The following ZCCHC4 variants were observed in gnomAD, a reference collection of about 807,000 sequenced individuals.
ZCCHC4 encodes zinc finger CCHC-type containing 4, also known as rRNA N(6)-adenosine-methyltransferase ZCCHC4.
Under a neutral mutation model 67.7 loss-of-function variants are expected in ZCCHC4, and 54 were observed. The ratio of observed to expected loss-of-function variants is 0.80; its 90% CI spans 0.64 to 1.00. The LOEUF (loss-of-function observed/expected upper bound fraction) is 1.00. Among genes scored for constraint, ZCCHC4 ranks in the 50% least tolerant of loss-of-function variants. The pLI is 0.00. For synonymous variants in ZCCHC4, 198 were observed against 213.5 expected (o/e 0.93, Z 0.63); for missense variants, 609 against 617.0 (o/e 0.99, Z 0.14).
rs1720625900 is a variant in ZCCHC4, at chr4:25,359,118, G to A, written c.1012-2741G>A. ...TGTGGTGCCCATTGTCAGCTGTGCT[G>A]CTTGGATGGGCTCCAATGGAAACCT... On this transcript the variant is annotated intron_variant, in intron 8 of 12. Coordinates refer to ENST00000302874, the MANE Select transcript of ZCCHC4 (RefSeq NM_024936.3). The surrounding 1 kb of genome is among the most constrained non-coding windows in gnomAD (Gnocchi z 4.9). Among the ~76,000 whole-genome samples the A allele has an allele frequency of 6.6e-6, 1 of 152,218 alleles. No individual in the cohort carries two copies.
intron 4 of ZCCHC4, 112 bp downstream of exon 4, chr4:25,333,570 A>G (rs1192359552): frequency 4.2e-6 from 5 of 1,200,142 alleles, no homozygotes; most frequent in Non-Finnish European, 5.9e-6. Flanking sequence ...AGCTTTGAGT[A>G]TTTAAAATGT....
At chr4:25,325,665 T>A (rs1325668951) in intron 3 of ZCCHC4, among the ~76,000 whole-genome samples, 3 of 152,170 alleles carry the variant, frequency 2.0e-5, no homozygotes, top group Non-Finnish European at 4.4e-5. Flanking sequence ...AAGAAAAAAA[T>A]GTTAAGTCAT....
At chr4:25,329,563 T>C (rs1577733844) in intron 3 of ZCCHC4, among the ~76,000 whole-genome samples, 1 of 141,954 alleles carries the variant, frequency 7.0e-6, no homozygotes, top group African/African-American at 2.6e-5. Flanking sequence ...TGAGACAGAG[T>C]CTCGCTCTGT....
intron 7 of ZCCHC4, among the ~76,000 whole-genome samples, chr4:25,350,563 A>G (rs1429825737): frequency 1.3e-5 from 2 of 152,078 alleles, no homozygotes; most frequent in East Asian, 1.9e-4. Flanking sequence ...TTAGGACTTC[A>G]AAGTATTTTA....
chr4:25,333,465 C>A lies in ZCCHC4; in HGVS notation c.605+7C>A. On this transcript the variant is annotated splice_region_variant and intron_variant, in intron 4 of 12. Transcript: ENST00000302874. ...TGTGTGTTGGAACACCAAGGTATGT[C>A]ATGTGATTTTTTAAAGAATTATCTT... 1 of 1,612,234 alleles carries A rather than the reference C, an allele frequency of 6.2e-7. No homozygotes were observed. The highest frequency in any genetic ancestry group is 1.1e-5 in the South Asian group (1 of 90,800).
chr4:25,328,691 C>T (rs538412709), intron 3 of ZCCHC4, among the ~76,000 whole-genome samples: 2 of 152,076 alleles, frequency 1.3e-5, no homozygotes, highest in South Asian at 4.2e-4. Context: ...GAGCAGTCCC[C>T]CCACCTCAGC....
chr4:25,340,393 C>T (rs772865032), intron 5 of ZCCHC4, among the ~76,000 whole-genome samples: 7 of 152,114 alleles, frequency 4.6e-5, no homozygotes, highest in Non-Finnish European at 8.8e-5. Flanking sequence ...GTCATGATTA[C>T]TGTTGCTGTA....
rs369903879 is a variant in ZCCHC4, at chr4:25,333,381, T to C, written c.528T>C (p.Ala176=). Reference sequence around the variant, plus strand: ...AGACAAATGCCCAGTATCTGTTTGCTGATCGGAGCTGTCAGTTCTTGGTAG... The same window carrying C: ...AGACAAATGCCCAGTATCTGTTTGCCGATCGGAGCTGTCAGTTCTTGGTAG... The part of the protein sequence containing the change: ...NKKTNAQYLF[A]DRSCQFLVDL... The change falls in exon 4 of 13, where the codon GCT becomes GCC. Residue 176 remains alanine (A), a synonymous_variant. Coordinates refer to ENST00000302874, the MANE Select transcript of ZCCHC4 (RefSeq NM_024936.3). 37 of 1,614,072 alleles carry C rather than the reference T, an allele frequency of 2.3e-5. No homozygotes were observed. In the African/African-American group the frequency reaches 4.9e-4, roughly 22 times the overall value.
At chr4:25,313,468 G>A (rs1281812856) in intron 1 of ZCCHC4, among the ~76,000 whole-genome samples, 1 of 152,184 alleles carries the variant, frequency 6.6e-6, no homozygotes, top group African/African-American at 2.4e-5. Flanking sequence ...TATTCACAAC[G>A]TAGACAGCAA....
At position 25,359,919 on chromosome 4, in the gene ZCCHC4, G is replaced by C. The variant is rs1471470301; in HGVS notation, c.1012-1940G>C. Among the ~76,000 whole-genome samples, 1 of 152,226 alleles carries C rather than the reference G, an allele frequency of 6.6e-6. No individual in the cohort carries two copies. The highest frequency in any genetic ancestry group is 2.4e-5 in the African/African-American group (1 of 41,468). On this transcript the variant is annotated intron_variant, in intron 8 of 12. Transcript: ENST00000302874. The surrounding 1 kb of genome is among the most constrained non-coding windows in gnomAD (Gnocchi z 4.9). Reference sequence around the variant, plus strand: ...AGCAATCCACTGGTCTCCCACCAATGTACAGCAAGTGCTGGTGCTGGTAGA... The same window carrying C: ...AGCAATCCACTGGTCTCCCACCAATCTACAGCAAGTGCTGGTGCTGGTAGA...
In ZCCHC4 at chr4:25,349,579, G is replaced by C; in HGVS notation, c.847G>C (p.Val283Leu). 1 of 1,614,032 alleles carries C rather than the reference G, an allele frequency of 6.2e-7. No individual in the cohort carries two copies. Among genetic ancestry groups the C allele is most frequent in the African/African-American group, 1.3e-5 (1 of 75,052 alleles). Residue 283 changes from valine (V) to leucine (L), a missense_variant, in exon 7 of 13, where the codon GTT becomes CTT. Transcript: ENST00000302874. ...GACGGATCCTCCGTTTGGTGGCTTG[G>C]TTGAACCTCTGGCTATTACATTCAA... ...MVTDPPFGGL[V>L]EPLAITFKKL...
chr4:25,351,105 C>G (rs539666345), intron 7 of ZCCHC4, among the ~76,000 whole-genome samples: 1 of 152,188 alleles, frequency 6.6e-6, no homozygotes, highest in South Asian at 2.1e-4. Flanking sequence ...CTGTCTCTCA[C>G]AAACACTAAT....
At chr4:25,342,966 C>T (rs1340287473) in intron 5 of ZCCHC4, among the ~76,000 whole-genome samples, 1 of 152,136 alleles carries the variant, frequency 6.6e-6, no homozygotes, top group Admixed American at 6.5e-5. Flanking sequence ...TTAAAAATGA[C>T]TGTTGTATCT....
At chr4:25,313,890 C>T (rs1718093817) in intron 1 of ZCCHC4, among the ~76,000 whole-genome samples, 156 bp from the exon 2 acceptor site, 1 of 151,808 alleles carries the variant, frequency 6.6e-6, no homozygotes, top group African/African-American at 2.4e-5. Flanking sequence ...AAAACCCTAA[C>T]AAAACAAAAA....
chr4:25,337,973 G>T (rs1017358269), intron 5 of ZCCHC4, among the ~76,000 whole-genome samples: 2 of 152,116 alleles, frequency 1.3e-5, no homozygotes, highest in East Asian at 3.8e-4. Context: ...AAGGAAAAAT[G>T]ATCTTTAATT....
intron 3 of ZCCHC4, among the ~76,000 whole-genome samples, chr4:25,324,875 T>C (rs1307993274): frequency 6.6e-6 from 1 of 152,218 alleles, no homozygotes; most frequent in Non-Finnish European, 1.5e-5. Context: ...ATTTTTGAAT[T>C]GGGCTAATTG....
intron 8 of ZCCHC4, among the ~76,000 whole-genome samples, chr4:25,356,944 T>G (rs1461975301): frequency 6.6e-6 from 1 of 152,162 alleles, no homozygotes; most frequent in Non-Finnish European, 1.5e-5. Flanking sequence ...CTTCCCAACA[T>G]AATAATCCTC....
chr4:25,332,209 C>T (rs978895384), intron 3 of ZCCHC4, among the ~76,000 whole-genome samples: 6 of 150,688 alleles, frequency 4.0e-5, no homozygotes, highest in Non-Finnish European at 7.4e-5. Flanking sequence ...TTGGGAGGCC[C>T]AGGCAGGAGA....
At chr4:25,345,369 T>C (rs991586075) in intron 5 of ZCCHC4, among the ~76,000 whole-genome samples, 179 bp from the exon 6 acceptor site, 1 of 152,228 alleles carries the variant, frequency 6.6e-6, no homozygotes, top group Non-Finnish European at 1.5e-5. Flanking sequence ...GGAAAATCAC[T>C]TAAGTTTGTT....
Sources: allele counts gnomAD v4.1 joint callset (sites outside exome capture counted in the v4.1 genomes callset), GRCh38; gene constraint gnomAD v4.1.1; non-coding constraint Gnocchi (gnomAD v3.1); transcripts MANE v1.5; gene names NCBI Gene and HGNC (gene_info 2026-07-23, HGNC 2026-07-21).